The following CMC2 variants were observed in gnomAD, a reference collection of about 807,000 sequenced individuals.
The protein encoded by CMC2 is COX assembly mitochondrial protein 2 homolog.
CMC2 carries 5 observed loss-of-function variants against 7.5 expected under a neutral mutation model. The observed-to-expected ratio is 0.66, with a 90% confidence interval of 0.35 to 1.40. CMC2 has a LOEUF of 1.40. Among genes scored for constraint, CMC2 ranks in the 40% most tolerant of loss-of-function variants. The pLI, the probability that CMC2 is intolerant of heterozygous loss-of-function variation, is 0.04. For synonymous variants in CMC2, 37 were observed against 31.4 expected (o/e 1.18, Z -0.60); for missense variants, 115 against 92.3 (o/e 1.25, Z -1.01).
chr16:80,989,712 A>T (rs971326722), intron 2 of CMC2, among the ~76,000 whole-genome samples: 14 of 152,142 alleles, frequency 9.2e-5, no homozygotes, highest in Non-Finnish European at 2.1e-4. Context: ...TCTATTCTAC[A>T]TCTTATATAT....
rs1018013677 is a variant in CMC2 at position 80,970,755 on chromosome 16, A to G, written c.*5338T>C. 1 of 152,232 alleles carries G rather than the reference A, an allele frequency of 6.6e-6. No homozygotes were observed. Among genetic ancestry groups the G allele is most frequent in the Non-Finnish European group, 1.5e-5 (1 of 68,040 alleles). 9.4% of individuals were successfully genotyped at this position (152,232 alleles called of 1,614,324 possible). A position where few individuals can be genotyped will look rare whatever the true frequency, so the allele number is the denominator to read the frequency against. On this transcript the variant is annotated 3_prime_UTR_variant, in exon 4 of 4. Transcript: ENST00000219400. ...ATGTAAGATAAATATACAGAAGTCA[A>G]TTACACTCCAATGTATCAGTAATAG... is the stretch of plus-strand genomic sequence containing the variant.
At position 80,972,457 on chromosome 16, in the gene CMC2, T is replaced by G. The variant is rs1285352222; in HGVS notation, c.*3636A>C. 2.0e-5 allele frequency: 3 copies of G among 152,216 alleles called. No homozygotes were observed. Among genetic ancestry groups the G allele is most frequent in the Admixed American group, 6.5e-5 (1 of 15,286 alleles). 9.4% of individuals were successfully genotyped at this position (152,216 alleles called of 1,614,324 possible). Reference sequence around the variant, plus strand: ...AATTTGGTTCAGCCCAAGCCCTTTCTATAGAAAACTAATTGTGCTTTGAGC... The same window carrying G: ...AATTTGGTTCAGCCCAAGCCCTTTCGATAGAAAACTAATTGTGCTTTGAGC... On this transcript the variant is annotated 3_prime_UTR_variant, in exon 4 of 4. Transcript: ENST00000219400.
At chr16:80,983,488 T>C (rs1967287343) in intron 2 of CMC2, 6 of 152,212 alleles carry the variant, frequency 3.9e-5, no homozygotes, top group Admixed American at 3.9e-4. Context: ...AACACCCTTT[T>C]CTTAAGGGAA....
At position 80,973,554 on chromosome 16, in the gene CMC2, TAAATG is replaced by T. The variant is rs1250180125; in HGVS notation, c.*2534_*2538del. The T allele has an allele frequency of 6.6e-6, 1 of 152,142 alleles. No homozygotes were observed. The highest frequency in any genetic ancestry group is 1.5e-5 in the Non-Finnish European group (1 of 68,004). 9.4% of individuals were successfully genotyped at this position (152,142 alleles called of 1,614,324 possible). A position where few individuals can be genotyped will look rare whatever the true frequency, so the allele number is the denominator to read the frequency against. On this transcript the variant is annotated 3_prime_UTR_variant, in exon 4 of 4. Coordinates refer to ENST00000219400, the MANE Select transcript of CMC2 (RefSeq NM_020188.5). ...CAGAAAGATCTTTATAAAATATAAATAAATGAAATCATAACCACTCCCTAAAACTT... is the reference window on the plus strand; with the variant it reads ...CAGAAAGATCTTTATAAAATATAAATAAATCATAACCACTCCCTAAAACTT...
At chr16:81,006,689 G>A (rs1442029478) in intron 1 of CMC2, 45 bp downstream of exon 1, 3 of 983,932 alleles carry the variant, frequency 3.0e-6, no homozygotes, top group South Asian at 9.4e-5. Context: ...ACCTGAGGAG[G>A]AACAACGGAA....
At chr16:81,000,119 C>A (rs935061567) in intron 1 of CMC2, among the ~76,000 whole-genome samples, 1 of 152,158 alleles carries the variant, frequency 6.6e-6, no homozygotes, top group Non-Finnish European at 1.5e-5. Context: ...AAAATATTCA[C>A]AAACTATGCA....
At chr16:80,990,341 T>C (rs1281141031) in intron 2 of CMC2, among the ~76,000 whole-genome samples, 2 of 152,070 alleles carry the variant, frequency 1.3e-5, no homozygotes, top group African/African-American at 4.8e-5. Context: ...CAGCTAATTT[T>C]TTATTTTTGG....
At chr16:80,985,313 C>T (rs1356561216) in intron 2 of CMC2, among the ~76,000 whole-genome samples, 9 of 152,044 alleles carry the variant, frequency 5.9e-5, no homozygotes, top group Non-Finnish European at 1.2e-4. Context: ...GGAGTTTTCC[C>T]GGGGCTACAT....
intron 3 of CMC2, among the ~76,000 whole-genome samples, chr16:80,980,115 T>C (rs1240732825): frequency 6.6e-6 from 1 of 152,062 alleles, no homozygotes; most frequent in Non-Finnish European, 1.5e-5. Flanking sequence ...AGACAGGGTC[T>C]CACTATGTTG....
rs1314857773 is a variant in CMC2, at chr16:80,970,822, C to T, written c.*5271G>A. 6.6e-6 allele frequency: 1 copy of T among 152,096 alleles called. No individual in the cohort carries two copies. The highest frequency in any genetic ancestry group is 1.5e-5 in the Non-Finnish European group (1 of 68,026). The allele number at this position is 152,096 out of a possible 1,614,324, so 9.4% of individuals were successfully genotyped here. On this transcript the variant is annotated 3_prime_UTR_variant, in exon 4 of 4. Transcript: ENST00000219400. ...GGATGCAGGGGCTCATGCCTATAAT[C>T]CCTGCTTTATAAAAAAATTTTAAGA...
intron 2 of CMC2, among the ~76,000 whole-genome samples, chr16:80,987,905 G>C (rs948871673): frequency 1.3e-5 from 2 of 152,154 alleles, no homozygotes; most frequent in African/African-American, 4.8e-5. Context: ...GCCAGGCACA[G>C]TGGCTCATGC....
chr16:80,996,172 T>C (rs1405078517), intron 2 of CMC2, among the ~76,000 whole-genome samples: 1 of 152,206 alleles, frequency 6.6e-6, no homozygotes, highest in Admixed American at 6.5e-5. Flanking sequence ...TGCGATAATA[T>C]CCTTATTTAT....
chr16:80,985,013 T>C (rs1289433532), intron 2 of CMC2, among the ~76,000 whole-genome samples: 1 of 152,148 alleles, frequency 6.6e-6, no homozygotes, highest in Non-Finnish European at 1.5e-5. Flanking sequence ...ACTGATTGAA[T>C]AAGTGAATCA....
chr16:81,005,429 T>TAC (rs980719611), intron 1 of CMC2, among the ~76,000 whole-genome samples: 3 of 150,288 alleles, frequency 2.0e-5, no homozygotes, highest in Non-Finnish European at 4.4e-5. Flanking sequence ...AATTTAAATA[T>TAC]ATATATATAT....
chr16:80,997,241 AG>A, intron 2 of CMC2, 72 bp downstream of exon 2: 1 of 849,862 alleles, frequency 1.2e-6, no homozygotes. Flanking sequence ...CTATCAACGG[AG>A]ATAACATTTT....
At position 81,000,335 on chromosome 16, in the gene CMC2, A is replaced by C. The variant is rs910116972; in HGVS notation, c.-35-2906T>G. On this transcript the variant is annotated intron_variant, in intron 1 of 3. Coordinates refer to ENST00000219400, the MANE Select transcript of CMC2 (RefSeq NM_020188.5). Reference sequence around the variant, plus strand: ...ATATGGTGAAACCCCATCTCTACTAAAGATGCAAAAATTAGCCGGGTGTGG... The same window carrying C: ...ATATGGTGAAACCCCATCTCTACTACAGATGCAAAAATTAGCCGGGTGTGG... 1.1e-4 allele frequency among the ~76,000 whole-genome samples: 16 copies of C among 152,126 alleles called. No individual in the cohort carries two copies. The East Asian group carries it at 2.9e-3, about 28-fold the overall frequency.
chr16:80,980,183 T>C (rs761992810), intron 3 of CMC2, among the ~76,000 whole-genome samples: 5 of 152,236 alleles, frequency 3.3e-5, no homozygotes, highest in Admixed American at 1.3e-4. Context: ...GCCTCCCGAA[T>C]AGCTGGGATT....
At chr16:80,988,444 G>C (rs561951772) in intron 2 of CMC2, 144 of 653,348 alleles carry the variant, frequency 2.2e-4, no homozygotes, top group Non-Finnish European at 3.6e-4. Context: ...AAAAACATTT[G>C]TCAATTTCAA....
At chr16:80,992,204 CA>C (rs1968054708) in intron 2 of CMC2, among the ~76,000 whole-genome samples, 1 of 152,142 alleles carries the variant, frequency 6.6e-6, no homozygotes, top group Non-Finnish European at 1.5e-5. Flanking sequence ...ATAAAAATTA[CA>C]AAACAGCTGT....
Sources: gnomAD v4.1 joint callset for allele counts (sites outside exome capture counted in the v4.1 genomes callset) on GRCh38, gnomAD v4.1.1 for gene constraint, MANE v1.5 for transcripts, NCBI Gene and HGNC (gene_info 2026-07-23, HGNC 2026-07-21) for gene names.